Variants in STK39 observed in about 807,000 individuals in gnomAD.
STK39 encodes the protein STE20/SPS1-related proline-alanine-rich protein kinase.
A neutral mutation model predicts 77.8 loss-of-function variants in STK39; 20 were observed. The ratio of observed to expected loss-of-function variants is 0.26; its 90% CI spans 0.18 to 0.37. The LOEUF (loss-of-function observed/expected upper bound fraction) is 0.37, where lower values mean the gene tolerates loss of function less well. STK39 is among the 10% of genes least tolerant of loss of function. STK39 has a pLI of 1.00. For missense variants in STK39, 479 were observed against 656.5 expected, an observed-to-expected ratio of 0.73 and a Z score of 2.95; for synonymous variants, 246 against 234.1, an observed-to-expected ratio of 1.05 and a Z score of -0.47.
chr2:168,102,325 T>C (rs1450475629), intron 10 of STK39, among the ~76,000 whole-genome samples: 1 of 152,210 alleles, frequency 6.6e-6, no homozygotes, highest in Non-Finnish European at 1.5e-5. Flanking sequence ...CTTTTGTCCA[T>C]CTTTTTTATT....
chr2:168,009,892 T>C (rs1374607289), intron 16 of STK39, among the ~76,000 whole-genome samples: 1 of 152,218 alleles, frequency 6.6e-6, no homozygotes, highest in Non-Finnish European at 1.5e-5. Context: ...CTCAATAAGT[T>C]GTACATGAAG....
intron 10 of STK39, among the ~76,000 whole-genome samples, chr2:168,126,708 T>A (rs1028725572): frequency 2.0e-5 from 3 of 152,146 alleles, no homozygotes; most frequent in African/African-American, 7.2e-5. Flanking sequence ...GCACTTACTA[T>A]GAATGAGAAA....
intron 5 of STK39, among the ~76,000 whole-genome samples, chr2:168,160,677 G>A (rs1688546660): frequency 6.6e-6 from 1 of 152,090 alleles, no homozygotes; most frequent in African/African-American, 2.4e-5. Flanking sequence ...ACTAAGTGGT[G>A]GCCTCAGAAT....
intron 1 of STK39, among the ~76,000 whole-genome samples, chr2:168,192,914 G>A (rs1689375960): frequency 6.6e-6 from 1 of 152,016 alleles, no homozygotes; most frequent in Non-Finnish European, 1.5e-5. Flanking sequence ...CCCAGCTCCT[G>A]CCAGCTTCCT....
At chr2:168,020,492 T>C (rs1416607883) in intron 14 of STK39, among the ~76,000 whole-genome samples, 2 of 152,010 alleles carry the variant, frequency 1.3e-5, no homozygotes, top group Non-Finnish European at 2.9e-5. Flanking sequence ...AAAAATAGTT[T>C]TGACCTCATG....
chr2:168,115,815 AC>A (rs1385239582), intron 10 of STK39, among the ~76,000 whole-genome samples: 1 of 152,200 alleles, frequency 6.6e-6, no homozygotes, highest in African/African-American at 2.4e-5. Context: ...AGCAACATGG[AC>A]AAGGGCTATG....
At chr2:168,171,917 G>A (rs1688839662) in intron 2 of STK39, among the ~76,000 whole-genome samples, 1 of 130,428 alleles carries the variant, frequency 7.7e-6, no homozygotes, top group Admixed American at 9.5e-5. Context: ...GGCCAATCAG[G>A]AACTGTGACT....
intron 16 of STK39, among the ~76,000 whole-genome samples, chr2:167,970,365 T>C (rs1297799575): frequency 2.0e-5 from 3 of 152,208 alleles, no homozygotes; most frequent in Non-Finnish European, 4.4e-5. Context: ...CTGTGTTGAA[T>C]ACATGAATAT....
intron 10 of STK39, among the ~76,000 whole-genome samples, chr2:168,124,565 A>G (rs906323563): frequency 2.0e-5 from 3 of 151,828 alleles, no homozygotes; most frequent in Non-Finnish European, 4.4e-5. Context: ...ACGCCTGGCT[A>G]ATTTTGTATT....
chr2:168,214,257 A>AAC (rs879906266), intron 1 of STK39, among the ~76,000 whole-genome samples: 14 of 11,762 alleles, frequency 1.2e-3, no homozygotes, highest in South Asian at 0.014. Flanking sequence ...CAACAACAAC[A>AAC]AAAAAAAAAC....
intron 1 of STK39, among the ~76,000 whole-genome samples, chr2:168,185,501 T>A (rs11898923): frequency 0.033 from 5,075 of 152,226 alleles, 266 homozygotes; most frequent in East Asian, 0.23. Context: ...AGTTGACACC[T>A]CTTCTCATTT....
chr2:168,108,571 T>G (rs35470423), intron 10 of STK39, among the ~76,000 whole-genome samples: 53,059 of 144,690 alleles, frequency 0.37, 10,127 homozygotes, highest in South Asian at 0.48. Flanking sequence ...GAAAAGAAAA[T>G]AAAAAAAAAA....
intron 16 of STK39, among the ~76,000 whole-genome samples, chr2:167,974,102 G>A (rs1320099861): frequency 6.6e-6 from 1 of 152,132 alleles, no homozygotes; most frequent in Non-Finnish European, 1.5e-5. Context: ...AAATTTTCAT[G>A]TAATATTAAA....
intron 14 of STK39, among the ~76,000 whole-genome samples, chr2:168,058,789 T>C (rs1278919115): frequency 2.0e-5 from 3 of 152,258 alleles, no homozygotes; most frequent in African/African-American, 4.8e-5. Context: ...CACTATGTCA[T>C]GGCAGTAGCC....
intron 2 of STK39, 72 bp downstream of exon 2, chr2:168,181,906 T>C: frequency 1.5e-6 from 2 of 1,344,404 alleles, no homozygotes; most frequent in Non-Finnish European, 2.1e-6. Flanking sequence ...ACCTTGCTCT[T>C]CTCCCAACCA....
At chr2:167,956,723 C>T (rs796504093) in intron 17 of STK39, among the ~76,000 whole-genome samples, 22,175 of 68,602 alleles carry the variant, frequency 0.32, 4,280 homozygotes, top group African/African-American at 0.45. Context: ...CTCTCTCTCT[C>T]TCTCTCCCCC....
intron 10 of STK39, among the ~76,000 whole-genome samples, chr2:168,121,872 G>A (rs1223720015): frequency 6.6e-6 from 1 of 152,174 alleles, no homozygotes; most frequent in Non-Finnish European, 1.5e-5. Flanking sequence ...TGTCAGCTCT[G>A]CCTTACAGGT....
chr2:168,000,646 G>A (rs1448888976), intron 16 of STK39, among the ~76,000 whole-genome samples: 1 of 152,172 alleles, frequency 6.6e-6, no homozygotes, highest in African/African-American at 2.4e-5. Flanking sequence ...GGAAAGTCAG[G>A]GCAGTGGTTG....
chr2:167,974,781 G>C (rs1683230597), intron 16 of STK39, among the ~76,000 whole-genome samples: 1 of 152,150 alleles, frequency 6.6e-6, no homozygotes, highest in East Asian at 1.9e-4. Flanking sequence ...CAAAAGGATG[G>C]AAAGGACCCT....
Sources: allele counts gnomAD v4.1 joint callset (sites outside exome capture counted in the v4.1 genomes callset), GRCh38; gene constraint gnomAD v4.1.1; transcripts MANE v1.5; gene names NCBI Gene and HGNC (gene_info 2026-07-23, HGNC 2026-07-21).